The following SYN2 variants were observed in gnomAD, a reference collection of about 807,000 sequenced individuals.
SYN2 encodes synapsin-2.
In SYN2, 19 loss-of-function variants were observed where a neutral mutation model predicts 50.9. That is an observed-to-expected ratio of 0.37 (90% CI 0.26 to 0.55). The LOEUF (loss-of-function observed/expected upper bound fraction) is 0.55. SYN2 is among the 20% of genes least tolerant of loss of function. SYN2 has a pLI of 0.81. For missense variants in SYN2, 587 were observed against 576.4 expected (o/e 1.02, Z -0.19); for synonymous variants, 255 against 224.9 (o/e 1.13, Z -1.20).
At position 12,053,215 on chromosome 3, in the gene SYN2, G is replaced by T. The variant is rs113480119; in HGVS notation, c.377+48287G>T. Reference sequence around the variant, plus strand: ...AGGTGGGTGGATCACGAGGTTAGGAGTTCGAGACTAGCCTCACCAACATGG... The same window carrying T: ...AGGTGGGTGGATCACGAGGTTAGGATTTCGAGACTAGCCTCACCAACATGG... On this transcript the variant is annotated intron_variant, in intron 1 of 12. Coordinates refer to ENST00000621198, the MANE Select transcript of SYN2 (RefSeq NM_133625.6). 5.0e-3 allele frequency among the ~76,000 whole-genome samples: 762 copies of T among 152,270 alleles called. 6 individuals are homozygous for T. The highest frequency in any genetic ancestry group is 0.017 in the African/African-American group (703 of 41,564).
intron 1 of SYN2, among the ~76,000 whole-genome samples, chr3:12,110,193 A>G (rs898747141): frequency 1.3e-5 from 2 of 152,228 alleles, no homozygotes; most frequent in African/African-American, 4.8e-5. Flanking sequence ...GTCTAAAAAC[A>G]TAAAATGGTA....
intron 10 of SYN2, among the ~76,000 whole-genome samples, chr3:12,179,799 C>T (rs1239857032): frequency 6.6e-6 from 1 of 152,180 alleles, no homozygotes; most frequent in Non-Finnish European, 1.5e-5. Context: ...GAGGCTTGAT[C>T]AGCCAAAAGA....
At chr3:12,112,471 A>G (rs1011043370) in intron 1 of SYN2, among the ~76,000 whole-genome samples, 1 of 152,184 alleles carries the variant, frequency 6.6e-6, no homozygotes, top group African/African-American at 2.4e-5. Context: ...CTCCACAGCT[A>G]TAGGGTATGC....
rs1696931205 is a variant in SYN2, at chr3:12,137,866, T to TAA, written c.378-2784_378-2783insAA. Among the ~76,000 whole-genome samples the TAA allele has an allele frequency of 3.9e-5, 6 of 152,344 alleles. No homozygotes were observed. In the South Asian group the frequency reaches 1.2e-3, roughly 32 times the overall value. The stretch of plus-strand genomic sequence containing the variant: ...AGAGGAATGGGAAAAAAGAACATTT[T>TAA]ACTTTTTGTTTTATCCTTTTATATA... On this transcript the variant is annotated intron_variant, in intron 1 of 12. Coordinates refer to ENST00000621198, the MANE Select transcript of SYN2 (RefSeq NM_133625.6).
intron 1 of SYN2, among the ~76,000 whole-genome samples, chr3:12,131,353 T>A (rs1303577516): frequency 6.6e-6 from 1 of 152,174 alleles, no homozygotes; most frequent in East Asian, 1.9e-4. Flanking sequence ...TGACTGTGGG[T>A]GTGATTCGTG....
At chr3:12,077,605 A>G (rs1468885788) in intron 1 of SYN2, among the ~76,000 whole-genome samples, 1 of 152,174 alleles carries the variant, frequency 6.6e-6, no homozygotes, top group Non-Finnish European at 1.5e-5. Flanking sequence ...CTTGCTGAGG[A>G]TAATGGCTTC....
At chr3:12,013,687 A>G (rs541893416) in intron 1 of SYN2, among the ~76,000 whole-genome samples, 1 of 152,316 alleles carries the variant, frequency 6.6e-6, no homozygotes, top group South Asian at 2.1e-4. Context: ...AAGTCTCATC[A>G]TGATTTCCAT....
Position 12,190,824 on chromosome 3 carries a change from G to T in SYN2, c.*199G>T. 1 of 1,343,560 alleles carries T rather than the reference G, an allele frequency of 7.4e-7. No homozygotes were observed. Among genetic ancestry groups the T allele is most frequent in the Non-Finnish European group, 9.5e-7 (1 of 1,054,192 alleles). 83.2% of individuals were successfully genotyped at this position (1,343,560 alleles called of 1,614,324 possible). On this transcript the variant is annotated 3_prime_UTR_variant, in exon 13 of 13. Coordinates refer to ENST00000621198, the MANE Select transcript of SYN2 (RefSeq NM_133625.6). ...TCAGGGCAGGTGCCTACCCAGCAAG[G>T]GGTACCTGGCATCAGAGAGGAAAGA...
At chr3:12,181,633 C>G (rs1698223368) in intron 10 of SYN2, among the ~76,000 whole-genome samples, 1 of 152,106 alleles carries the variant, frequency 6.6e-6, no homozygotes, top group South Asian at 2.1e-4. Context: ...AATGTCAGCT[C>G]TAGGTGATTT....
intron 1 of SYN2, among the ~76,000 whole-genome samples, chr3:12,024,551 T>G (rs1162984261): frequency 6.6e-6 from 1 of 152,218 alleles, no homozygotes; most frequent in Non-Finnish European, 1.5e-5. Flanking sequence ...GAAACTCTTT[T>G]TGTGTCTGGT....
At chr3:12,118,607 C>A (rs1000848672) in intron 1 of SYN2, among the ~76,000 whole-genome samples, 43 of 152,240 alleles carry the variant, frequency 2.8e-4, no homozygotes, top group African/African-American at 1.0e-3. Flanking sequence ...TGCCCCAGGA[C>A]TGTTAAGTAG....
chr3:12,064,289 A>T (rs569747732), intron 1 of SYN2, among the ~76,000 whole-genome samples: 10 of 152,096 alleles, frequency 6.6e-5, no homozygotes, highest in Non-Finnish European at 1.3e-4. Flanking sequence ...AGACATGGTG[A>T]TTAATGTGGT....
At chr3:12,078,111 GTCT>G (rs1379471752) in intron 1 of SYN2, among the ~76,000 whole-genome samples, 4 of 152,052 alleles carry the variant, frequency 2.6e-5, no homozygotes, top group African/African-American at 9.7e-5. Flanking sequence ...CCGTATGAAT[GTCT>G]TCTTTTGAGA....
At chr3:12,103,985 G>A (rs1191791490) in intron 1 of SYN2, among the ~76,000 whole-genome samples, 4 of 152,156 alleles carry the variant, frequency 2.6e-5, no homozygotes, top group East Asian at 1.9e-4. Context: ...AAAACACAGA[G>A]CATGAAAGTG....
chr3:12,066,486 A>G (rs540235361), intron 1 of SYN2, among the ~76,000 whole-genome samples: 10 of 152,298 alleles, frequency 6.6e-5, no homozygotes, highest in African/African-American at 2.4e-4. Context: ...TAAGGCATGA[A>G]TTGAATATAT....
chr3:12,016,263 T>A (rs1694027925), intron 1 of SYN2, among the ~76,000 whole-genome samples: 1 of 152,204 alleles, frequency 6.6e-6, no homozygotes, highest in South Asian at 2.1e-4. Context: ...AACTGTTAGA[T>A]AAAAGGGCAC....
intron 5 of SYN2, chr3:12,153,752 T>TC: frequency 6.2e-7 from 1 of 1,602,922 alleles, no homozygotes; most frequent in Non-Finnish European, 8.5e-7. Context: ...GAGTAGGGTG[T>TC]CCTTCTTTTT....
At chr3:12,061,971 A>G (rs1695120773) in intron 1 of SYN2, among the ~76,000 whole-genome samples, 1 of 152,062 alleles carries the variant, frequency 6.6e-6, no homozygotes, top group Admixed American at 6.6e-5. Context: ...ATGCAGTGGA[A>G]TCCCAATCAA....
chr3:12,173,173 A>T (rs1697976079), intron 10 of SYN2, among the ~76,000 whole-genome samples: 1 of 152,234 alleles, frequency 6.6e-6, no homozygotes, highest in Admixed American at 6.5e-5. Context: ...AAGGCAGAAG[A>T]CACCCAATAG....
Sources: gnomAD v4.1 joint callset for allele counts (sites outside exome capture counted in the v4.1 genomes callset) on GRCh38, gnomAD v4.1.1 for gene constraint, MANE v1.5 for transcripts, NCBI Gene and HGNC (gene_info 2026-07-23, HGNC 2026-07-21) for gene names.